MAF: variants seen among roughly 807,000 people sequenced by gnomAD.
The protein encoded by MAF is MAF bZIP transcription factor, also known as transcription factor Maf.
MAF carries 10 observed loss-of-function variants against 22.0 expected under a neutral mutation model. The ratio of observed to expected loss-of-function variants is 0.45; its 90% CI spans 0.28 to 0.77. The LOEUF is 0.77. MAF is among the 30% of genes least tolerant of loss of function. MAF has a pLI of 0.12. For synonymous variants in MAF, 337 were observed against 255.8 expected (o/e 1.32, Z -3.03); for missense variants, 544 against 548.4 (o/e 0.99, Z 0.08).
chr16:79,446,421 G>T, the MAF span, among the ~76,000 whole-genome samples: 764 of 152,244 alleles, frequency 5.0e-3, 4 homozygotes, highest in Non-Finnish European at 9.0e-3. Flanking sequence ...TACACCTGTT[G>T]TCCTAGTGTG....
the MAF span, among the ~76,000 whole-genome samples, chr16:79,498,941 T>C: frequency 2.0e-5 from 3 of 152,154 alleles, 1 homozygote; most frequent in Admixed American, 2.0e-4. Flanking sequence ...GCAAGGCAGA[T>C]GTGTAGCAAG....
the MAF span, among the ~76,000 whole-genome samples, chr16:79,232,935 G>C: frequency 2.7e-5 from 4 of 150,450 alleles, no homozygotes; most frequent in Non-Finnish European, 5.9e-5. Context: ...CTGCCTCCCG[G>C]GTTCACGCCA....
chr16:79,324,635 G>A, the MAF span, among the ~76,000 whole-genome samples: 2 of 152,206 alleles, frequency 1.3e-5, no homozygotes, highest in African/African-American at 2.4e-5. Flanking sequence ...GTAAGCAGCA[G>A]AGTCCAGATG....
the MAF span, among the ~76,000 whole-genome samples, chr16:79,277,689 A>G: frequency 6.6e-6 from 1 of 152,180 alleles, no homozygotes; most frequent in African/African-American, 2.4e-5. Flanking sequence ...CTTCCTCTCT[A>G]TGTGACCAGG....
the MAF span, among the ~76,000 whole-genome samples, chr16:79,467,233 C>A: frequency 1.3e-5 from 2 of 152,078 alleles, no homozygotes; most frequent in African/African-American, 4.8e-5. Flanking sequence ...TTAGGGGGTC[C>A]TCTCTGACCT....
chr16:79,597,552 G>A (rs1470079676), intron 1 of MAF: 1 of 1,022,742 alleles, frequency 9.8e-7, no homozygotes, highest in East Asian at 6.5e-5. Context: ...TGGTATCTTT[G>A]ACAAGGAATG....
the MAF span, among the ~76,000 whole-genome samples, chr16:79,296,784 A>G: frequency 6.6e-6 from 1 of 152,114 alleles, no homozygotes; most frequent in South Asian, 2.1e-4. Context: ...CACTCTGCCT[A>G]TTTTCTCTTC....
the MAF span, among the ~76,000 whole-genome samples, chr16:79,429,287 T>C: frequency 6.6e-6 from 1 of 152,120 alleles, no homozygotes; most frequent in Non-Finnish European, 1.5e-5. Context: ...TGCCCATGGG[T>C]CTGCTACCTG....
chr16:79,535,008 C>G, the MAF span, among the ~76,000 whole-genome samples: 1 of 152,172 alleles, frequency 6.6e-6, no homozygotes, highest in Admixed American at 6.5e-5. Context: ...AGGTAAACTG[C>G]TCTTACATCA....
chr16:79,236,131 T>A, the MAF span, among the ~76,000 whole-genome samples: 4 of 152,094 alleles, frequency 2.6e-5, no homozygotes, highest in African/African-American at 9.6e-5. Context: ...AAGAATATTT[T>A]ACAATGCAAG....
At chr16:79,253,361 C>T in the MAF span, among the ~76,000 whole-genome samples, 1 of 152,174 alleles carries the variant, frequency 6.6e-6, no homozygotes, top group Non-Finnish European at 1.5e-5. Flanking sequence ...GTTTGCTTTT[C>T]TTCTGCAGCT....
At chr16:79,370,056 C>A in the MAF span, among the ~76,000 whole-genome samples, 1 of 152,212 alleles carries the variant, frequency 6.6e-6, no homozygotes, top group South Asian at 2.1e-4. Flanking sequence ...GCTTCACTCA[C>A]TCACATGACT....
the MAF span, among the ~76,000 whole-genome samples, chr16:79,284,206 C>T: frequency 6.6e-6 from 1 of 152,156 alleles, no homozygotes; most frequent in Non-Finnish European, 1.5e-5. Context: ...GGCAAACCAC[C>T]TCCATCCGCC....
At chr16:79,252,205 A>G in the MAF span, among the ~76,000 whole-genome samples, 5 of 152,268 alleles carry the variant, frequency 3.3e-5, no homozygotes, top group Admixed American at 3.3e-4. Flanking sequence ...CCATGTCGCA[A>G]CTACTTAATT....
the MAF span, among the ~76,000 whole-genome samples, chr16:79,536,747 T>C: frequency 3.3e-5 from 5 of 152,238 alleles, no homozygotes; most frequent in Admixed American, 3.3e-4. Context: ...CCCTAAATAG[T>C]ACAGAGTAAC....
At chr16:79,491,054 T>C in the MAF span, among the ~76,000 whole-genome samples, 2 of 152,000 alleles carry the variant, frequency 1.3e-5, no homozygotes, top group South Asian at 4.2e-4. Context: ...AAGTCACAGA[T>C]AGTCTGAATT....
downstream of MAF, among the ~76,000 whole-genome samples, chr16:79,589,158 C>G (rs528983797): frequency 6.6e-6 from 1 of 151,994 alleles, no homozygotes; most frequent in African/African-American, 2.4e-5. Flanking sequence ...AACCGAGGGT[C>G]CCTCTAAGAA....
chr16:79,316,075 AACC>A, the MAF span, among the ~76,000 whole-genome samples: 1 of 152,238 alleles, frequency 6.6e-6, no homozygotes, highest in South Asian at 2.1e-4. Flanking sequence ...CAACATGCAT[AACC>A]TTATTATGCA....
the MAF span, among the ~76,000 whole-genome samples, chr16:79,260,457 A>ATCTG: frequency 6.6e-6 from 1 of 150,540 alleles, no homozygotes; most frequent in South Asian, 2.1e-4. Context: ...TGGCTCATGT[A>ATCTG]TCTATCTATC....
Sources: gnomAD v4.1 joint callset for allele counts (sites outside exome capture counted in the v4.1 genomes callset) on GRCh38, gnomAD v4.1.1 for gene constraint, MANE v1.5 for transcripts, NCBI Gene and HGNC (gene_info 2026-07-23, HGNC 2026-07-21) for gene names.